The following NSUN4 variants were observed in gnomAD, a reference collection of about 807,000 sequenced individuals.
NSUN4 encodes the protein NOP2/Sun RNA methyltransferase 4, also known as 5-cytosine rRNA methyltransferase NSUN4.
In NSUN4, 31 loss-of-function variants were observed where a neutral mutation model predicts 43.8. The observed-to-expected ratio is 0.71, with a 90% confidence interval of 0.53 to 0.96. The LOEUF (loss-of-function observed/expected upper bound fraction) is 0.96, where lower values mean the gene tolerates loss of function less well. Ranked by LOEUF, NSUN4 falls within the 40% of genes least tolerant of loss-of-function variation. The pLI, the probability that NSUN4 is intolerant of heterozygous loss-of-function variation, is 0.00. For missense variants in NSUN4, 439 were observed against 475.6 expected (o/e 0.92, Z 0.72); for synonymous variants, 167 against 184.1 (o/e 0.91, Z 0.75).
intron 1 of NSUN4, chr1:46,341,831 G>T: frequency 8.1e-7 from 1 of 1,232,808 alleles, no homozygotes; most frequent in South Asian, 4.1e-5. Context: ...GCAGCTGGAT[G>T]AGTCCCTCCA....
chr1:46,352,839 TG>T (rs768049736), intron 3 of NSUN4, 28 bp from the exon 4 acceptor site: 17 of 1,609,462 alleles, frequency 1.1e-5, no homozygotes, highest in Middle Eastern at 1.7e-4. Context: ...CATTGGGTCA[TG>T]GCCTCTGAAG....
intron 4 of NSUN4, among the ~76,000 whole-genome samples, chr1:46,360,228 CAAAAAA>C (rs1240539714): frequency 5.7e-5 from 2 of 35,016 alleles, no homozygotes; most frequent in African/African-American, 3.4e-4. Flanking sequence ...GACTCCATCT[CAAAAAA>C]AAAAAAAAAA....
chr1:46,341,048 C>T, intron 1 of NSUN4, 129 bp downstream of exon 1: 1 of 1,109,510 alleles, frequency 9.0e-7, no homozygotes, highest in Non-Finnish European at 1.3e-6. Context: ...TAGGCACCTC[C>T]CTCTCTCGTC....
chr1:46,352,821 G>A lies in NSUN4; in HGVS notation c.593-47G>A, dbSNP rs1339480723. 2.5e-6 allele frequency: 4 copies of A among 1,589,362 alleles called. No homozygotes were observed. The African/African-American group carries it at 5.4e-5, about 21-fold the overall frequency. ...GACTCCATCAGCGCCATTGCTGGTG[G>A]AATGTTTCATTGGGTCATGGCCTCT... On this transcript the variant is annotated intron_variant, in intron 3 of 5. Coordinates refer to ENST00000474844, the MANE Select transcript of NSUN4 (RefSeq NM_199044.4).
chr1:46,351,659 CTTTTTTTTTTT>C (rs1190689943), intron 3 of NSUN4, among the ~76,000 whole-genome samples: 1 of 88,894 alleles, frequency 1.1e-5, no homozygotes, highest in African/African-American at 4.6e-5. Context: ...GACCCAGTCT[CTTTTTTTTTTT>C]TTTTTTTTTT....
Position 46,347,076 on chromosome 1 carries a change from G to GT in NSUN4, c.592+2dup, listed in dbSNP as rs774778542. The GT allele has an allele frequency of 1.2e-6, 2 of 1,612,970 alleles. No homozygotes were observed. The highest frequency in any genetic ancestry group is 3.3e-5 in the Admixed American group (2 of 59,912). The stretch of plus-strand genomic sequence containing the variant: ...GCGTTGCTTCAGACTGGCTGTTGCC[G>GT]TAAGTCAGGGTGCTGGTGTGTTGGG... On this transcript the variant is annotated splice_donor_variant, in intron 3 of 5. Coordinates refer to ENST00000474844, the MANE Select transcript of NSUN4 (RefSeq NM_199044.4). LOFTEE classifies it high-confidence loss of function.
chr1:46,347,097 T>G (rs1662567273), intron 3 of NSUN4, 22 bp downstream of exon 3: 1 of 1,609,288 alleles, frequency 6.2e-7, no homozygotes, highest in Admixed American at 1.7e-5. Flanking sequence ...TGCTGGTGTG[T>G]TGGGCAGAGA....
At chr1:46,365,913 A>G (rs1007632700), downstream of NSUN4, among the ~76,000 whole-genome samples, 2 of 152,050 alleles carry the variant, frequency 1.3e-5, no homozygotes, top group Non-Finnish European at 2.9e-5. Context: ...GGATCACTTA[A>G]GGTCAGGAGT....
intron 1 of NSUN4, chr1:46,343,183 C>T (rs1490663566): frequency 1.0e-4 from 39 of 385,908 alleles, no homozygotes; most frequent in Admixed American, 8.8e-4. Flanking sequence ...AATCATTCGA[C>T]AGGCCCCCCT....
intron 3 of NSUN4, among the ~76,000 whole-genome samples, chr1:46,349,936 C>G (rs1306261934): frequency 6.6e-6 from 1 of 152,166 alleles, no homozygotes; most frequent in African/African-American, 2.4e-5. Flanking sequence ...AGTTGTTCTT[C>G]TAAGGCATGC....
rs113131303 is a variant in NSUN4, at chr1:46,346,680, T to C, written c.438-241T>C. On this transcript the variant is annotated intron_variant, in intron 2 of 5. Transcript: ENST00000474844. ...TGGAGGTTGCAGCGAGACGAGATCG[T>C]GCCACTGCGCTTCAGCCTGGGTAAC... is the stretch of plus-strand genomic sequence containing the variant. Among the ~76,000 whole-genome samples, 445 of 152,124 alleles carry C rather than the reference T, an allele frequency of 2.9e-3. 3 individuals are homozygous for C. The highest frequency in any genetic ancestry group is 7.8e-3 in the African/African-American group (325 of 41,496).
At chr1:46,382,013 G>A in the NSUN4 span, among the ~76,000 whole-genome samples, 3 of 152,220 alleles carry the variant, frequency 2.0e-5, no homozygotes, top group African/African-American at 7.2e-5. Context: ...AAGGCCCTCA[G>A]GCTGGGATTC....
intron 2 of NSUN4, among the ~76,000 whole-genome samples, chr1:46,345,888 G>A (rs1294791820): frequency 6.6e-6 from 1 of 152,156 alleles, no homozygotes; most frequent in African/African-American, 2.4e-5. Flanking sequence ...GGTGGCTCAC[G>A]CCTTTAATCC....
At chr1:46,365,442 C>T (rs1231322902), downstream of NSUN4, among the ~76,000 whole-genome samples, 4 of 152,090 alleles carry the variant, frequency 2.6e-5, no homozygotes, top group Non-Finnish European at 5.9e-5. Context: ...CAGGTTCAAG[C>T]GATTCTTCTG....
chr1:46,367,610 CTT>C (rs1017753136), downstream of NSUN4, among the ~76,000 whole-genome samples: 5 of 152,110 alleles, frequency 3.3e-5, no homozygotes, highest in African/African-American at 1.2e-4. Flanking sequence ...AGACAGCAAT[CTT>C]TTATTGAACA....
the NSUN4 span, among the ~76,000 whole-genome samples, chr1:46,382,417 G>A: frequency 3.9e-5 from 6 of 152,140 alleles, no homozygotes; most frequent in African/African-American, 9.7e-5. Context: ...TGGTGCTGAC[G>A]GATAGGGAAG....
At chr1:46,379,238 T>G in the NSUN4 span, among the ~76,000 whole-genome samples, 14 of 152,290 alleles carry the variant, frequency 9.2e-5, no homozygotes, top group African/African-American at 2.2e-4. Context: ...GTCAGCACCC[T>G]AGGCAGTGCT....
Position 46,341,534 on chromosome 1 carries a change from C to T in NSUN4, c.93+615C>T, listed in dbSNP as rs560793666. The T allele has an allele frequency of 6.2e-4, 688 of 1,104,140 alleles. 1 individual carries two copies. The highest frequency in any genetic ancestry group is 7.4e-4 in the Non-Finnish European group (673 of 907,010). 68.4% of individuals were successfully genotyped at this position (1,104,140 alleles called of 1,614,324 possible). A position where few individuals can be genotyped will look rare whatever the true frequency, so the allele number is the denominator to read the frequency against. On this transcript the variant is annotated intron_variant, in intron 1 of 5. Coordinates refer to ENST00000474844, the MANE Select transcript of NSUN4 (RefSeq NM_199044.4). ...CCTCTCATCCTCTGGACTCTCCTTG[C>T]TTCTCCAGAGACCCTTTTTCTTGCC...
chr1:46,352,334 C>G (rs186278236), intron 3 of NSUN4, among the ~76,000 whole-genome samples: 1 of 151,998 alleles, frequency 6.6e-6, no homozygotes, highest in Non-Finnish European at 1.5e-5. Context: ...CACCCATAGT[C>G]CCAGCTACTC....
Sources: allele counts gnomAD v4.1 joint callset (sites outside exome capture counted in the v4.1 genomes callset), GRCh38; gene constraint gnomAD v4.1.1; transcripts MANE v1.5; gene names NCBI Gene and HGNC (gene_info 2026-07-23, HGNC 2026-07-21).